Variants in TCEAL4 observed in about 807,000 individuals in gnomAD.
TCEAL4 encodes transcription elongation factor A like 4, also known as transcription elongation factor A protein-like 4.
A neutral mutation model predicts 1.3 loss-of-function variants in TCEAL4; 1 was observed. The observed-to-expected ratio is 0.79, with a 90% confidence interval of 0.28 to 3.76. TCEAL4 has a LOEUF of 3.76. Ranked by LOEUF, TCEAL4 falls within the 30% of genes most tolerant of loss-of-function variation. TCEAL4 has a pLI of 0.18. For synonymous variants in TCEAL4, 54 were observed against 50.7 expected, an observed-to-expected ratio of 1.06 and a Z score of -0.28; for missense variants, 129 against 154.7, an observed-to-expected ratio of 0.83 and a Z score of 0.88.
rs758406612 is a variant in TCEAL4 at position 103,587,166 on chromosome X, A to G, written c.491A>G (p.Lys164Arg). ...DMIREFDNMAKVQDEKRKSKQ... is the reference protein window; with the variant it reads ...DMIREFDNMARVQDEKRKSKQ... ...ATAAGAGAATTTGACAATATGGCTA[A>G]GGTGCAGGATGAGAAGAGAAAAAGC... Residue 164 changes from lysine (K) to arginine (R), a missense_variant, in exon 3 of 3, where the codon AAG becomes AGG. Physicochemically the swap from Lys to Arg is conservative, Grantham distance 26. This residue lies in a region of TCEAL4 where 116 missense variants were observed against 120.3 expected (regional missense o/e 0.96). Transcript: ENST00000472484. 6.6e-6 allele frequency: 8 copies of G among 1,209,593 alleles called. No homozygotes were observed. The highest frequency in any genetic ancestry group is 4.4e-5 in the Admixed American group (2 of 45,637).
intron 2 of TCEAL4, among the ~76,000 whole-genome samples, chrX:103,577,854 A>G (rs2073491396): frequency 1.8e-5 from 2 of 111,917 alleles, no homozygotes; most frequent in Admixed American, 1.9e-4. Flanking sequence ...ATGCCATATA[A>G]TTCGCCTATT....
chrX:103,585,374 T>C (rs1353837532), upstream of TCEAL4: 11 of 802,683 alleles, frequency 1.4e-5, no homozygotes, highest in Non-Finnish European at 3.2e-6. Context: ...TTGATTAATT[T>C]CTTAACAAGA....
At chrX:103,581,843 T>A (rs1057193104), upstream of TCEAL4, among the ~76,000 whole-genome samples, 2 of 111,698 alleles carry the variant, frequency 1.8e-5, no homozygotes, top group Non-Finnish European at 3.8e-5. Flanking sequence ...AAGACAAGGA[T>A]GCTCTCTCTC....
At position 103,576,533 on chromosome X, in the gene TCEAL4, G is replaced by T. The variant is rs1343955561; in HGVS notation, c.63+1G>T. The T allele has an allele frequency of 9.5e-7, 1 of 1,049,743 alleles. No individual in the cohort carries two copies. The highest frequency in any genetic ancestry group is 1.8e-5 in the African/African-American group (1 of 54,129). 86.5% of individuals were successfully genotyped at this position (1,049,743 alleles called of 1,213,427 possible). A position where few individuals can be genotyped will look rare whatever the true frequency, so the allele number is the denominator to read the frequency against. Reference sequence around the variant, plus strand: ...AATCCCAGCGTTTTGGGAGGCCAGGGTGAGTAGATCACCTGAGGTCAGGAG... The same window carrying T: ...AATCCCAGCGTTTTGGGAGGCCAGGTTGAGTAGATCACCTGAGGTCAGGAG... On this transcript the variant is annotated splice_donor_variant, in intron 1 of 4. Coordinates refer to the TCEAL4 transcript ENST00000372629. LOFTEE classifies it high-confidence loss of function.
intron 1 of TCEAL4, 196 bp from the exon 2 acceptor site, chrX:103,586,023 G>C: frequency 9.2e-7 from 1 of 1,081,580 alleles, no homozygotes. Flanking sequence ...AGGAAGAAGG[G>C]CACAGAGACC....
At position 103,586,485 on chromosome X, in the gene TCEAL4, C is replaced by T. The variant is rs1040893727; in HGVS notation, c.-27-164C>T. On this transcript the variant is annotated intron_variant, in intron 2 of 2. Transcript: ENST00000472484. ...TGGCTCACGTGTGTGGGAGGAGTGG[C>T]GGGCTACGTGGTGGGCAGAAGGCCC... 1.2e-4 allele frequency: 94 copies of T among 814,932 alleles called. No individual in the cohort carries two copies. In the African/African-American group the frequency reaches 1.8e-3, roughly 15 times the overall value. 67.2% of individuals were successfully genotyped at this position (814,932 alleles called of 1,213,427 possible).
At chrX:103,585,805 T>C in intron 1 of TCEAL4, 181 bp downstream of exon 1, 1 of 1,096,145 alleles carries the variant, frequency 9.1e-7, no homozygotes, top group Middle Eastern at 3.4e-4. Flanking sequence ...ACGTAGGCAG[T>C]GGGCAGAGGG....
Position 103,587,252 on chromosome X carries a change from A to G in TCEAL4, c.577A>G (p.Arg193Gly). The G allele has an allele frequency of 8.3e-7, 1 of 1,206,491 alleles. No individual in the cohort carries two copies. The highest frequency in any genetic ancestry group is 1.1e-6 in the Non-Finnish European group (1 of 893,655). ...AAATTTACAGGACCCCTTCTACCCT[A>G]GAGGTCCAAGGGAATTCAGGGGTGG... ...QRNLQDPFYP[R>G]GPREFRGGCR... is the part of the protein sequence containing the mutation. Residue 193 changes from arginine (R) to glycine (G), a missense_variant, in exon 3 of 3, where the codon AGA becomes GGA. Physicochemically the swap from Arg to Gly is moderately radical, Grantham distance 125. Coordinates refer to ENST00000472484, the MANE Select transcript of TCEAL4 (RefSeq NM_001006935.3).
upstream of TCEAL4, chrX:103,585,431 G>A (rs1031687358): frequency 6.6e-6 from 7 of 1,066,770 alleles, no homozygotes; most frequent in Non-Finnish European, 7.3e-6. Flanking sequence ...ACCTGCTGGA[G>A]AGGTGGTGGG....
At chrX:103,586,144 C>G in intron 1 of TCEAL4, 75 bp from the exon 2 acceptor site, 1 of 1,153,390 alleles carries the variant, frequency 8.7e-7, no homozygotes, top group Non-Finnish European at 1.2e-6. Flanking sequence ...AGGGCCTGGA[C>G]TCAGGAAAGG....
chrX:103,582,537 T>C (rs1713297445), upstream of TCEAL4, among the ~76,000 whole-genome samples: 1 of 111,990 alleles, frequency 8.9e-6, no homozygotes, highest in South Asian at 3.8e-4. Flanking sequence ...CAAAACAGCA[T>C]GGTACTGGTA....
exon 1 of TCEAL4, chrX:103,576,372 G>T (rs2073483571): frequency 1.9e-6 from 2 of 1,053,404 alleles, no homozygotes; most frequent in South Asian, 2.0e-5. Context: ...GGTTAGTATT[G>T]CTGCATAACA....
upstream of TCEAL4, among the ~76,000 whole-genome samples, chrX:103,584,023 G>A (rs2073521109): frequency 9.1e-6 from 1 of 110,483 alleles, no homozygotes; most frequent in Admixed American, 9.6e-5. Context: ...TGCCTCTCGG[G>A]TTCAAGCAAT....
Position 103,586,823 on chromosome X carries a change from A to G in TCEAL4, c.148A>G (p.Lys50Glu). ...AGAAAACGAGGGAAAGACAGAAAAC[A>G]AGGGCAAAACAGGAGATGAGGAAAT... is the stretch of plus-strand genomic sequence containing the variant. ...KLENEGKTENKGKTGDEEMLK... is the reference protein window; with the variant it reads ...KLENEGKTENEGKTGDEEMLK... Residue 50 changes from lysine (K) to glutamate (E), a missense_variant, in exon 3 of 3, where the codon AAG becomes GAG. By Grantham distance (56) the Lys-to-Glu change is moderately conservative. Transcript: ENST00000472484. 8.3e-7 allele frequency: 1 copy of G among 1,207,847 alleles called. No homozygotes were observed. The highest frequency in any genetic ancestry group is 1.8e-5 in the South Asian group (1 of 56,355).
exon 1 of TCEAL4, chrX:103,576,305 T>C (rs1441536210): frequency 1.2e-5 from 8 of 666,921 alleles, no homozygotes; most frequent in Admixed American, 1.1e-4. Context: ...TTGTGGGATA[T>C]CTATTTATGA....
chrX:103,585,383 GA>G (rs935453918), upstream of TCEAL4: 80 of 839,049 alleles, frequency 9.5e-5, no homozygotes, highest in Non-Finnish European at 1.1e-4. Flanking sequence ...TTCTTAACAA[GA>G]AAAAAAGGAC....
chrX:103,576,681 T>C, intron 1 of TCEAL4: 2 of 436,711 alleles, frequency 4.6e-6, no homozygotes, highest in South Asian at 7.1e-5. Flanking sequence ...GGAGAATCGT[T>C]TGAACCCAGG....
chrX:103,579,020 A>C (rs904475807), intron 2 of TCEAL4, among the ~76,000 whole-genome samples: 4 of 112,308 alleles, frequency 3.6e-5, no homozygotes, highest in African/African-American at 1.3e-4. Flanking sequence ...AGATGGTGTG[A>C]AAAAGAGGCC....
rs1294386895 is a variant in TCEAL4, at chrX:103,587,409, T to A, written c.*86T>A. 1 of 1,035,666 alleles carries A rather than the reference T, an allele frequency of 9.7e-7. No homozygotes were observed. Among genetic ancestry groups the A allele is most frequent in the Non-Finnish European group, 1.3e-6 (1 of 780,298 alleles). 85.4% of individuals were successfully genotyped at this position (1,035,666 alleles called of 1,213,427 possible). A position where few individuals can be genotyped will look rare whatever the true frequency, so the allele number is the denominator to read the frequency against. ...GGCATCCCTCCTGTTGCTAGCAGCC[T>A]TTTGACCTATCTGCAATGCAGTGTT... On this transcript the variant is annotated 3_prime_UTR_variant, in exon 3 of 3. Transcript: ENST00000472484.
Sources: gnomAD v4.1 joint callset for allele counts (sites outside exome capture counted in the v4.1 genomes callset) on GRCh38, gnomAD v4.1.1 for gene constraint, gnomAD v4.1.1 regional missense constraint, MANE v1.5 for transcripts, NCBI Gene and HGNC (gene_info 2026-07-23, HGNC 2026-07-21) for gene names.